Variants in FER1L5 observed in about 807,000 individuals in gnomAD.
FER1L5 encodes fer-1-like protein 5.
FER1L5 carries 187 observed loss-of-function variants against 279.9 expected under a neutral mutation model. That is an observed-to-expected ratio of 0.67 (90% CI 0.59 to 0.75). FER1L5 has a LOEUF of 0.75. Among genes scored for constraint, FER1L5 ranks in the 30% least tolerant of loss-of-function variants. FER1L5 has a pLI of 0.00. For missense variants in FER1L5, 2,091 were observed against 2,594.4 expected, an observed-to-expected ratio of 0.81 and a Z score of 4.21; for synonymous variants, 921 against 989.7, an observed-to-expected ratio of 0.93 and a Z score of 1.30.
chr2:96,669,250 T>C, intron 17 of FER1L5, 113 bp downstream of exon 17: 2 of 1,042,042 alleles, frequency 1.9e-6, no homozygotes. Flanking sequence ...TCCCTCGGGG[T>C]CTTGTGGAGG....
At chr2:96,658,189 C>T (rs1258004525) in intron 9 of FER1L5, among the ~76,000 whole-genome samples, 5 of 149,336 alleles carry the variant, frequency 3.3e-5, no homozygotes, top group African/African-American at 7.4e-5. Context: ...GGCTAATTTT[C>T]GTATTTTTAG....
intron 13 of FER1L5, 65 bp downstream of exon 13, chr2:96,662,332 G>A: frequency 6.7e-7 from 1 of 1,484,608 alleles, no homozygotes. Flanking sequence ...TTGGAGAGGA[G>A]GGTGGCCTGG....
At position 96,674,617 on chromosome 2, in the gene FER1L5, A is replaced by C. The variant is rs139482763; in HGVS notation, c.1669+1363A>C. 4.0e-3 allele frequency among the ~76,000 whole-genome samples: 612 copies of C among 152,290 alleles called. 3 individuals are homozygous for C. The highest frequency in any genetic ancestry group is 8.7e-3 in the South Asian group (42 of 4,822). ...TCTTTGTCAATGGCTTTCACTTAGC[A>C]TGTCTACTTGATTTTAGTATTATGA... On this transcript the variant is annotated intron_variant, in intron 19 of 52. Transcript: ENST00000624922.
rs2077062726 is a variant in FER1L5, at chr2:96,689,605, G to C, written c.2526-39G>C. On this transcript the variant is annotated intron_variant, in intron 25 of 52. Transcript: ENST00000624922. The surrounding 1 kb of genome is among the most constrained non-coding windows in gnomAD (Gnocchi z 4.6). ...AGAAGACGGCCCTAGGGGCTGCTTG[G>C]GGAGTTGTGCTGGGAACTTGGGGTC... 2 of 1,531,032 alleles carry C rather than the reference G, an allele frequency of 1.3e-6. 1 individual carries two copies. The highest frequency in any genetic ancestry group is 2.4e-5 in the South Asian group (2 of 83,580). The allele number at this position is 1,531,032 out of a possible 1,614,324, so 94.8% of individuals were successfully genotyped here.
Position 96,702,899 on chromosome 2 carries a change from T to C in FER1L5, c.5398-79T>C. The stretch of plus-strand genomic sequence containing the variant: ...CTCTTCCTTGATAGTCTATCACTGC[T>C]GGGTGGAGGGCCACTGAGGGGTGCA... On this transcript the variant is annotated intron_variant, in intron 48 of 52. Coordinates refer to ENST00000624922, the MANE Select transcript of FER1L5 (RefSeq NM_001293083.2). The surrounding 1 kb of genome is among the most constrained non-coding windows in gnomAD (Gnocchi z 4.0). The C allele has an allele frequency of 4.5e-6, 7 of 1,540,094 alleles. No homozygotes were observed. The highest frequency in any genetic ancestry group is 6.2e-6 in the Non-Finnish European group (7 of 1,134,680).
At position 96,689,413 on chromosome 2, in the gene FER1L5, A is replaced by C; in HGVS notation, c.2525+37A>C. 1 of 1,540,106 alleles carries C rather than the reference A, an allele frequency of 6.5e-7. No individual in the cohort carries two copies. Among genetic ancestry groups the C allele is most frequent in the Non-Finnish European group, 8.7e-7 (1 of 1,144,312 alleles). On this transcript the variant is annotated intron_variant, in intron 25 of 52. Coordinates refer to ENST00000624922, the MANE Select transcript of FER1L5 (RefSeq NM_001293083.2). This position sits in a 1 kb window ranked among gnomAD's most constrained non-coding sequence, Gnocchi z 4.6. Reference sequence around the variant, plus strand: ...GGGGGCAGGCCCCACCAGAGGGGACACTTCACCTGGGAGGGCCAGTCCGCG... The same window carrying C: ...GGGGGCAGGCCCCACCAGAGGGGACCCTTCACCTGGGAGGGCCAGTCCGCG...
chr2:96,702,813 A>G lies in FER1L5; in HGVS notation c.5397+72A>G. 1 of 1,578,200 alleles carries G rather than the reference A, an allele frequency of 6.3e-7. No homozygotes were observed. The highest frequency in any genetic ancestry group is 1.8e-5 in the Admixed American group (1 of 54,850). On this transcript the variant is annotated intron_variant, in intron 48 of 52. Coordinates refer to ENST00000624922, the MANE Select transcript of FER1L5 (RefSeq NM_001293083.2). This position sits in a 1 kb window ranked among gnomAD's most constrained non-coding sequence, Gnocchi z 4.0. ...CCAGGCTCCTGGAGCTCCTCCCCCC[A>G]CCCCTCCAGAGGCTTGCAATCTGTC...
rs769935357 is a variant in FER1L5, at chr2:96,661,781, C to A, written c.1008C>A (p.Asp336Glu). 9 of 1,551,458 alleles carry A rather than the reference C, an allele frequency of 5.8e-6. No individual in the cohort carries two copies. Among genetic ancestry groups the A allele is most frequent in the Non-Finnish European group, 7.8e-6 (9 of 1,146,950 alleles). ...AGCTCTTCATCTACTGCGCAGAGGA[C>A]CTTCACCTCAGTTAGAGTCTGGGTG... is the stretch of plus-strand genomic sequence containing the variant. ...YLQLFIYCAEDLHLKKHQSVN... is the reference protein window; with the variant it reads ...YLQLFIYCAEELHLKKHQSVN... The change falls in exon 12 of 53, where the codon GAC becomes GAA. Residue 336 changes from aspartate to glutamate, a missense_variant. Transcript: ENST00000624922.
intron 44 of FER1L5, 106 bp from the exon 45 acceptor site, chr2:96,700,226 C>G: frequency 6.4e-7 from 1 of 1,566,038 alleles, no homozygotes; most frequent in Non-Finnish European, 8.6e-7. Flanking sequence ...CCATCCCTTT[C>G]CCCTTCACTC....
Position 96,662,204 on chromosome 2 carries a change from G to C in FER1L5, c.1019-11G>C, listed in dbSNP as rs937681819. ...TGCTGGCTCAGATATCTTTTAACTT[G>C]TTGTTCATAGAGAAACACCAGTCAG... is the stretch of plus-strand genomic sequence containing the variant. On this transcript the variant is annotated splice_polypyrimidine_tract_variant and intron_variant, in intron 12 of 52. Transcript: ENST00000624922. 1 of 1,551,312 alleles carries C rather than the reference G, an allele frequency of 6.4e-7. No individual in the cohort carries two copies. Among genetic ancestry groups the C allele is most frequent in the Admixed American group, 2.0e-5 (1 of 50,968 alleles).
intron 9 of FER1L5, among the ~76,000 whole-genome samples, chr2:96,659,558 C>G (rs2075870037): frequency 6.8e-6 from 1 of 147,870 alleles, no homozygotes; most frequent in South Asian, 2.2e-4. Context: ...GTGGCGCAAT[C>G]TCGGCTCATT....
intron 7 of FER1L5, chr2:96,653,000 A>C (rs1179505495): frequency 6.6e-6 from 1 of 152,488 alleles, no homozygotes; most frequent in East Asian, 1.9e-4. Context: ...GGATCACCTG[A>C]GGTCCGGAGT....
At chr2:96,683,267 C>T (rs1226995793) in intron 19 of FER1L5, among the ~76,000 whole-genome samples, 1 of 152,144 alleles carries the variant, frequency 6.6e-6, no homozygotes, top group African/African-American at 2.4e-5. Flanking sequence ...TCAGTGTTGA[C>T]CCCTGCCGAG....
chr2:96,685,301 C>T (rs1427657457), intron 20 of FER1L5, 28 bp from the exon 21 acceptor site: 5 of 1,545,268 alleles, frequency 3.2e-6, no homozygotes, highest in Non-Finnish European at 4.4e-6. Flanking sequence ...GAGGCGGGCT[C>T]TCTCACCATT....
chr2:96,644,252 G>A (rs1409471692), intron 1 of FER1L5, among the ~76,000 whole-genome samples: 2 of 151,716 alleles, frequency 1.3e-5, no homozygotes, highest in Non-Finnish European at 2.9e-5. Flanking sequence ...GCCGAGGTGG[G>A]CGGATCACGA....
chr2:96,698,858 A>G lies in FER1L5; in HGVS notation c.4518+26A>G. On this transcript the variant is annotated intron_variant, in intron 41 of 52. Coordinates refer to ENST00000624922, the MANE Select transcript of FER1L5 (RefSeq NM_001293083.2). The surrounding 1 kb of genome is among the most constrained non-coding windows in gnomAD (Gnocchi z 5.5). Reference sequence around the variant, plus strand: ...GTAAAGAACAGTACCTGCCCCACACAGGTGCCCCGCACGCTCCCCTCAACC... The same window carrying G: ...GTAAAGAACAGTACCTGCCCCACACGGGTGCCCCGCACGCTCCCCTCAACC... 1 of 1,554,128 alleles carries G rather than the reference A, an allele frequency of 6.4e-7. No homozygotes were observed. The highest frequency in any genetic ancestry group is 1.9e-5 in the Admixed American group (1 of 51,340).
At position 96,702,415 on chromosome 2, in the gene FER1L5, G is replaced by C. The variant is rs1326233915; in HGVS notation, c.5255+14G>C. On this transcript the variant is annotated intron_variant, in intron 47 of 52. Transcript: ENST00000624922. The surrounding 1 kb of genome is among the most constrained non-coding windows in gnomAD (Gnocchi z 4.0). Reference sequence around the variant, plus strand: ...CTACATCAAAGGGTAGGGAAGAGGAGTCAGGCTCCGGCAGAGCCCCTCAGT... The same window carrying C: ...CTACATCAAAGGGTAGGGAAGAGGACTCAGGCTCCGGCAGAGCCCCTCAGT... The C allele has an allele frequency of 6.2e-7, 1 of 1,602,646 alleles. No homozygotes were observed. Among genetic ancestry groups the C allele is most frequent in the Non-Finnish European group, 8.5e-7 (1 of 1,174,848 alleles).
chr2:96,689,522 C>A lies in FER1L5; in HGVS notation c.2526-122C>A, dbSNP rs2077060465. On this transcript the variant is annotated intron_variant, in intron 25 of 52. Transcript: ENST00000624922. The surrounding 1 kb of genome is among the most constrained non-coding windows in gnomAD (Gnocchi z 4.6). ...CCAGGCCAAGGGCCCTGCCCACCACCCTGTCCTGCCCAGAGCAGGTGGGGA... is the reference window on the plus strand; with the variant it reads ...CCAGGCCAAGGGCCCTGCCCACCACACTGTCCTGCCCAGAGCAGGTGGGGA... 6.9e-7 allele frequency: 1 copy of A among 1,440,910 alleles called. No individual in the cohort carries two copies. Among genetic ancestry groups the A allele is most frequent in the South Asian group, 1.2e-5 (1 of 80,670 alleles). The allele number at this position is 1,440,910 out of a possible 1,614,324, so 89.3% of individuals were successfully genotyped here.
chr2:96,644,636 GA>G (rs1353475169), intron 1 of FER1L5, among the ~76,000 whole-genome samples: 1 of 152,206 alleles, frequency 6.6e-6, no homozygotes, highest in Admixed American at 6.5e-5. Context: ...CAAGAGAAAA[GA>G]GGACACAGTA....
Sources: gnomAD v4.1 joint callset for allele counts (sites outside exome capture counted in the v4.1 genomes callset) on GRCh38, gnomAD v4.1.1 for gene constraint, Gnocchi (gnomAD v3.1) non-coding constraint, MANE v1.5 for transcripts, NCBI Gene and HGNC (gene_info 2026-07-23, HGNC 2026-07-21) for gene names.